The following XDH variants were observed in gnomAD, a reference collection of about 807,000 sequenced individuals.
XDH encodes xanthine dehydrogenase/oxidase.
A neutral mutation model predicts 156.1 loss-of-function variants in XDH; 138 were observed. The ratio of observed to expected loss-of-function variants is 0.88; its 90% CI spans 0.77 to 1.02. XDH has a LOEUF of 1.02. XDH is among the 50% of genes least tolerant of loss of function. The probability of loss-of-function intolerance (pLI) is 0.00; values close to 1 mark genes in which losing one functional copy is unlikely to be tolerated. For synonymous variants in XDH, 669 were observed against 625.7 expected (o/e 1.07, Z -1.03); for missense variants, 1,849 against 1,684.9 (o/e 1.10, Z -1.71).
At chr2:31,365,372 G>A in intron 23 of XDH, 85 bp downstream of exon 23, 1 of 1,420,748 alleles carries the variant, frequency 7.0e-7, no homozygotes, top group Non-Finnish European at 1.0e-6. Flanking sequence ...AAGTAGGAGT[G>A]CAGCTCAGGA....
At chr2:31,373,815 G>C in intron 16 of XDH, 58 bp downstream of exon 16, 1 of 1,574,184 alleles carries the variant, frequency 6.4e-7, no homozygotes, top group Non-Finnish European at 8.7e-7. Context: ...TCAGCCACTA[G>C]CCAACTCATG....
At chr2:31,344,846 T>C in intron 30 of XDH, 110 bp from the exon 31 acceptor site, 1 of 1,102,028 alleles carries the variant, frequency 9.1e-7, no homozygotes, top group Non-Finnish European at 1.4e-6. Flanking sequence ...CAACTCATTT[T>C]ACTAGTGACT....
chr2:31,380,050 C>T (rs1054389803), intron 12 of XDH, 74 bp from the exon 13 acceptor site: 1 of 1,430,492 alleles, frequency 7.0e-7, no homozygotes, highest in Non-Finnish European at 9.8e-7. Flanking sequence ...GAAAGGATAA[C>T]CATCAGTGGG....
chr2:31,368,043 G>C lies in XDH; in HGVS notation c.2115C>G (p.Asn705Lys), dbSNP rs1685969464. The stretch of plus-strand genomic sequence containing the variant: ...TCAGCTCAGGTCCATAAAAGGAGTT[G>C]TTCTTTATAGCATCCTGAGGATCAC... ...AIITIEDAIK[N>K]NSFYGPELKI... Residue 705 changes from asparagine to lysine, a missense_variant, in exon 20 of 36, where the codon AAC (asparagine) becomes AAG (lysine). Coordinates refer to ENST00000379416, the MANE Select transcript of XDH (RefSeq NM_000379.4). 6.2e-7 allele frequency: 1 copy of C among 1,614,000 alleles called. No homozygotes were observed. Among genetic ancestry groups the C allele is most frequent in the Non-Finnish European group, 8.5e-7 (1 of 1,179,972 alleles).
In XDH at chr2:31,337,659, C is replaced by T. The variant is rs1294570590; in HGVS notation, c.3933G>A (p.Val1311=). ...ATPEKIRNAC[V]DKFTTLCVTG... ...ATCATACCAGGGTGGTGAACTTGTCCACGCAGGCATTGCGGATCTTCTCCG... is the reference window on the plus strand; with the variant it reads ...ATCATACCAGGGTGGTGAACTTGTCTACGCAGGCATTGCGGATCTTCTCCG... The change falls in exon 35 of 36, where the codon GTG becomes GTA. Residue 1311 remains valine (V), a synonymous_variant. Transcript: ENST00000379416. The T allele has an allele frequency of 3.7e-6, 6 of 1,614,130 alleles. No homozygotes were observed. The highest frequency in any genetic ancestry group is 1.7e-5 in the Admixed American group (1 of 60,018).
intron 24 of XDH, among the ~76,000 whole-genome samples, chr2:31,350,804 T>C (rs1036657844): frequency 6.6e-6 from 1 of 152,194 alleles, no homozygotes; most frequent in Non-Finnish European, 1.5e-5. Context: ...TAAAAATTCA[T>C]TGTAAATTAG....
At chr2:31,359,372 C>CAAAAAA (rs201239874) in intron 24 of XDH, among the ~76,000 whole-genome samples, 1 of 132,598 alleles carries the variant, frequency 7.5e-6, no homozygotes. Context: ...AAACAAAAAC[C>CAAAAAA]AAAAAAAAAA....
At position 31,352,885 on chromosome 2, in the gene XDH, C is replaced by CT. The variant is rs35724511; in HGVS notation, c.2632-2663dup. Among the ~76,000 whole-genome samples, 1,049 of 140,242 alleles carry CT rather than the reference C, an allele frequency of 7.5e-3. 13 individuals are homozygous for CT. Among genetic ancestry groups the CT allele is most frequent in the African/African-American group, 0.013 (479 of 37,792 alleles). 92.0% of individuals were successfully genotyped at this position (140,242 alleles called of 152,430 possible). A position where few individuals can be genotyped will look rare whatever the true frequency, so the allele number is the denominator to read the frequency against. ...GTCGGCTTTTCCTGAAAACTTTAAC[C>CT]TTTTTTTTTTTTTTTCAAAGAGACA... On this transcript the variant is annotated intron_variant, in intron 24 of 35. Transcript: ENST00000379416.
At chr2:31,402,968 C>T (rs902764645) in intron 3 of XDH, 80 bp downstream of exon 3, 3 of 1,490,264 alleles carry the variant, frequency 2.0e-6, no homozygotes, top group African/African-American at 2.8e-5. Context: ...CACATACACA[C>T]ATACACTCAT....
intron 4 of XDH, 145 bp from the exon 5 acceptor site, chr2:31,398,844 AACT>A: frequency 2.2e-6 from 3 of 1,360,216 alleles, no homozygotes; most frequent in South Asian, 2.5e-5. Flanking sequence ...ACCATTTACC[AACT>A]GTGACCTTGG....
In XDH at chr2:31,382,002, C is replaced by A. The variant is rs138620193; in HGVS notation, c.1039-276G>T. 3.9e-5 allele frequency among the ~76,000 whole-genome samples: 6 copies of A among 152,164 alleles called. No individual in the cohort carries two copies. The East Asian group carries it at 7.7e-4, about 19-fold the overall frequency. On this transcript the variant is annotated intron_variant, in intron 11 of 35. Transcript: ENST00000379416. ...GTGTTTGATTGATGATTTCACCCAA[C>A]CTTTTCCCGAAAGGATTGAGGTGAT... is the stretch of plus-strand genomic sequence containing the variant.
chr2:31,379,015 G>A (rs1457318298), intron 13 of XDH, among the ~76,000 whole-genome samples: 1 of 152,094 alleles, frequency 6.6e-6, no homozygotes, highest in Admixed American at 6.5e-5. Context: ...ATTACCAAGG[G>A]CAAAACATGC....
chr2:31,376,436 G>T (rs542919607), intron 14 of XDH, among the ~76,000 whole-genome samples: 19 of 149,056 alleles, frequency 1.3e-4, no homozygotes, highest in Non-Finnish European at 2.1e-4. Flanking sequence ...AATAGTAATA[G>T]TAGTAGTAGT....
At position 31,343,473 on chromosome 2, in the gene XDH, TATAATAC is replaced by T. The variant is rs1393692647; in HGVS notation, c.3405-1183_3405-1177del. 1.4e-3 allele frequency among the ~76,000 whole-genome samples: 200 copies of T among 144,536 alleles called. 5 individuals are homozygous for T. In the East Asian group the frequency reaches 0.037, roughly 27 times the overall value. 94.8% of individuals were successfully genotyped at this position (144,536 alleles called of 152,430 possible). ...TACATATATGCCTTATACATATATG[TATAATAC>T]ATATATATGCCTTATATACTTATAT... is the stretch of plus-strand genomic sequence containing the variant. On this transcript the variant is annotated intron_variant, in intron 31 of 35. Transcript: ENST00000379416.
chr2:31,376,888 TAGTAGA>T lies in XDH; in HGVS notation c.1427+159_1427+164del, dbSNP rs45480299. On this transcript the variant is annotated intron_variant, in intron 14 of 35. Transcript: ENST00000379416. ...ATAGTAGTAGTAGCAACTGTGGTTA[TAGTAGA>T]AGTAGAAGTGGTAGCAGTAGTAGCA... Among the ~76,000 whole-genome samples the T allele has an allele frequency of 6.1e-3, 919 of 150,882 alleles. 7 individuals are homozygous for T. Among genetic ancestry groups the T allele is most frequent in the African/African-American group, 0.016 (645 of 41,202 alleles).
chr2:31,406,824 G>A (rs1051506127), intron 1 of XDH, among the ~76,000 whole-genome samples: 1 of 152,204 alleles, frequency 6.6e-6, no homozygotes, highest in African/African-American at 2.4e-5. Flanking sequence ...CATTCTGTTG[G>A]CCTGTGCTCA....
intron 4 of XDH, among the ~76,000 whole-genome samples, 177 bp from the exon 5 acceptor site, chr2:31,398,876 G>C (rs184618725): frequency 6.6e-6 from 1 of 152,292 alleles, no homozygotes; most frequent in Non-Finnish European, 1.5e-5. Flanking sequence ...CAAGCCCTCT[G>C]AGTCTAGGTT....
intron 23 of XDH, among the ~76,000 whole-genome samples, chr2:31,364,469 G>T (rs1002175944): frequency 2.6e-5 from 4 of 151,802 alleles, no homozygotes; most frequent in African/African-American, 9.7e-5. Context: ...CCCACCCCTG[G>T]AAGCCCTTGT....
intron 7 of XDH, 123 bp downstream of exon 7, chr2:31,388,104 C>A: frequency 8.5e-7 from 1 of 1,171,470 alleles, no homozygotes; most frequent in Non-Finnish European, 1.3e-6. Context: ...CCACAGTCTG[C>A]CATCACCGAC....
Sources: gnomAD v4.1 joint callset for allele counts (sites outside exome capture counted in the v4.1 genomes callset) on GRCh38, gnomAD v4.1.1 for gene constraint, MANE v1.5 for transcripts, NCBI Gene and HGNC (gene_info 2026-07-23, HGNC 2026-07-21) for gene names.